TBL1Y: variants seen among roughly 807,000 people sequenced by gnomAD.
The protein encoded by TBL1Y is transducin beta like 1 Y-linked.
TBL1Y carries 15 observed loss-of-function variants against 12.0 expected under a neutral mutation model. The observed-to-expected ratio is 1.25, with a 90% CI of 0.83 to 1.92. The LOEUF (loss-of-function observed/expected upper bound fraction) is 1.92. TBL1Y is among the 40% of genes most tolerant of loss of function. TBL1Y has a pLI of 0.00. For synonymous variants in TBL1Y, 53 were observed against 42.6 expected (o/e 1.24, Z -0.95); for missense variants, 148 against 116.7 (o/e 1.27, Z -1.24).
chrY:6,953,043 T>C, intron 2 of TBL1Y, among the ~76,000 whole-genome samples: 1 of 33,763 alleles, frequency 3.0e-5, no homozygotes, highest in Non-Finnish European at 7.3e-5. Flanking sequence ...TGCCAAGAGA[T>C]CTGATGTTAG....
At chrY:7,077,661 C>T (rs2013069192) in intron 13 of TBL1Y, among the ~76,000 whole-genome samples, 2 of 33,491 alleles carry the variant, frequency 6.0e-5, no homozygotes, top group Non-Finnish European at 1.5e-4. Context: ...GAGATGATCT[C>T]GGCTGTGGAA....
At chrY:6,937,221 T>G (rs888612617) in intron 2 of TBL1Y, among the ~76,000 whole-genome samples, 2 of 33,646 alleles carry the variant, frequency 5.9e-5, no homozygotes, top group Non-Finnish European at 1.5e-4. Context: ...TATTCCTGAA[T>G]TTCATACATG....
intron 5 of TBL1Y, among the ~76,000 whole-genome samples, chrY:7,024,563 G>A (rs2012612417): frequency 3.0e-5 from 1 of 33,138 alleles, no homozygotes; most frequent in Admixed American, 2.7e-4. Context: ...GTTTGTGTTC[G>A]TATCCTTCAC....
At chrY:6,920,954 G>A in intron 2 of TBL1Y, among the ~76,000 whole-genome samples, 2 of 33,051 alleles carry the variant, frequency 6.1e-5, no homozygotes, top group African/African-American at 2.4e-4. Flanking sequence ...CTGGCAGTGC[G>A]GCAGTTCTCC....
chrY:6,969,827 A>G (rs760922237), intron 2 of TBL1Y, among the ~76,000 whole-genome samples: 161 of 33,039 alleles, frequency 4.9e-3, no homozygotes, highest in Admixed American at 0.016. Flanking sequence ...TTTTAAAAAA[A>G]AAAGGGTTAT....
chrY:7,029,226 A>G, intron 6 of TBL1Y, among the ~76,000 whole-genome samples: 2 of 33,385 alleles, frequency 6.0e-5, no homozygotes, highest in Non-Finnish European at 1.5e-4. Context: ...TGCCTGCAAC[A>G]TAATCAAGTG....
chrY:6,996,036 C>T (rs2012409198), intron 4 of TBL1Y, 138 bp downstream of exon 4: 1 of 32,716 alleles, frequency 3.1e-5, no homozygotes, highest in South Asian at 7.3e-4. Flanking sequence ...GGCTGTTTTT[C>T]CATGTGATGG....
At chrY:6,958,589 T>C in intron 2 of TBL1Y, among the ~76,000 whole-genome samples, 2 of 32,786 alleles carry the variant, frequency 6.1e-5, no homozygotes, top group Admixed American at 5.6e-4. Flanking sequence ...TGATTATTAT[T>C]TTCATTATTT....
At chrY:6,995,774 C>T in intron 3 of TBL1Y, 30 bp from the exon 4 acceptor site, 1 of 25,193 alleles carries the variant, frequency 4.0e-5, no homozygotes, top group Non-Finnish European at 9.2e-5. Flanking sequence ...CTTTTTATTT[C>T]ACCTTTTTTT....
At chrY:6,977,012 C>G in intron 2 of TBL1Y, among the ~76,000 whole-genome samples, 2 of 33,645 alleles carry the variant, frequency 5.9e-5, no homozygotes, top group African/African-American at 1.2e-4. Context: ...ACCTGGAAGA[C>G]TTACCTCTGC....
chrY:6,939,393 A>G, intron 2 of TBL1Y, among the ~76,000 whole-genome samples: 1 of 33,519 alleles, frequency 3.0e-5, no homozygotes, highest in Non-Finnish European at 7.4e-5. Flanking sequence ...AGCTAGATAA[A>G]CAAGTTCTGC....
intron 2 of TBL1Y, chrY:6,918,568 G>A: frequency 3.2e-5 from 1 of 31,173 alleles, no homozygotes; most frequent in East Asian, 8.5e-4. Context: ...CCATATTTGC[G>A]TTTTTTTAAT....
At chrY:7,012,147 A>G (rs747851818) in intron 4 of TBL1Y, among the ~76,000 whole-genome samples, 1 of 34,298 alleles carries the variant, frequency 2.9e-5, no homozygotes, top group Admixed American at 2.7e-4. Flanking sequence ...GCAGCAAAGC[A>G]TGCAAGATGT....
chrY:7,059,097 C>T, intron 7 of TBL1Y, among the ~76,000 whole-genome samples: 1 of 32,458 alleles, frequency 3.1e-5, no homozygotes. Context: ...GGAGCAAGAC[C>T]CCTGGCTGAC....
At chrY:7,089,004 G>A (rs2013158011) in intron 17 of TBL1Y, among the ~76,000 whole-genome samples, 1 of 32,523 alleles carries the variant, frequency 3.1e-5, no homozygotes, top group Admixed American at 2.8e-4. Flanking sequence ...ATTAATTTTT[G>A]TACAGACCGG....
chrY:7,089,644 G>T, intron 17 of TBL1Y, among the ~76,000 whole-genome samples: 1 of 33,416 alleles, frequency 3.0e-5, no homozygotes. Flanking sequence ...TACAAAATTA[G>T]CTGGGCATGG....
At chrY:7,088,923 C>A (rs2013157373) in intron 17 of TBL1Y, among the ~76,000 whole-genome samples, 2 of 33,617 alleles carry the variant, frequency 5.9e-5, no homozygotes, top group Non-Finnish European at 1.5e-4. Flanking sequence ...ATTTATCCTG[C>A]CTGTCACCAT....
chrY:7,017,068 A>T, intron 4 of TBL1Y, among the ~76,000 whole-genome samples: 1 of 32,920 alleles, frequency 3.0e-5, no homozygotes, highest in Non-Finnish European at 7.4e-5. Flanking sequence ...TCAGCCTGTC[A>T]TCCCAGCACT....
At chrY:7,080,014 G>A (rs768092612) in intron 13 of TBL1Y, among the ~76,000 whole-genome samples, 2 of 27,673 alleles carry the variant, frequency 7.2e-5, no homozygotes, top group African/African-American at 2.9e-4. Context: ...TTGAAAGGAA[G>A]GAAGGAAGGA....
Sources: allele counts gnomAD v4.1 joint callset (sites outside exome capture counted in the v4.1 genomes callset), GRCh38; gene constraint gnomAD v4.1.1; transcripts MANE v1.5; gene names NCBI Gene and HGNC (gene_info 2026-07-23, HGNC 2026-07-21).